NCKAP5: variants seen among roughly 807,000 people sequenced by gnomAD.
The protein encoded by NCKAP5 is nck-associated protein 5.
Under a neutral mutation model 167.0 loss-of-function variants are expected in NCKAP5, and 92 were observed. That is an observed-to-expected ratio of 0.55 (90% CI 0.47 to 0.66). The LOEUF (loss-of-function observed/expected upper bound fraction) is 0.66, where lower values mean the gene tolerates loss of function less well. Ranked by LOEUF, NCKAP5 falls within the 30% of genes least tolerant of loss-of-function variation. The pLI is 0.00. For synonymous variants in NCKAP5, 891 were observed against 877.4 expected (o/e 1.02, Z -0.27); for missense variants, 2,378 against 2,315.0 (o/e 1.03, Z -0.56).
chr2:133,406,426 G>A (rs73957086), intron 3 of NCKAP5, among the ~76,000 whole-genome samples: 13 of 152,178 alleles, frequency 8.5e-5, no homozygotes, highest in African/African-American at 2.4e-4. Flanking sequence ...GAGAAGAGAC[G>A]TGAAATATAA....
chr2:133,635,000 G>C, the NCKAP5 span, among the ~76,000 whole-genome samples: 2 of 151,790 alleles, frequency 1.3e-5, no homozygotes, highest in East Asian at 3.9e-4. Context: ...CTCCCAAGTA[G>C]CTGGGACTAC....
At chr2:133,008,218 A>T (rs966171876) in intron 6 of NCKAP5, among the ~76,000 whole-genome samples, 1 of 152,040 alleles carries the variant, frequency 6.6e-6, no homozygotes, top group Non-Finnish European at 1.5e-5. Flanking sequence ...CTGAGCTGTC[A>T]CTATTGAGGC....
At chr2:133,567,990 C>G (rs546910435) in intron 1 of NCKAP5, among the ~76,000 whole-genome samples, 1 of 152,208 alleles carries the variant, frequency 6.6e-6, no homozygotes, top group South Asian at 2.1e-4. Flanking sequence ...ATCTCCTTAT[C>G]ATCTGCATCC....
At chr2:133,236,611 A>C (rs981701049) in intron 4 of NCKAP5, among the ~76,000 whole-genome samples, 3 of 152,222 alleles carry the variant, frequency 2.0e-5, no homozygotes, top group Non-Finnish European at 4.4e-5. Flanking sequence ...TGTATCACTT[A>C]AGTCAATACA....
chr2:133,578,467 C>T, the NCKAP5 span, among the ~76,000 whole-genome samples: 46 of 152,320 alleles, frequency 3.0e-4, no homozygotes, highest in South Asian at 6.0e-3. Flanking sequence ...CCTCCAGCTG[C>T]CAGCTCCCTC....
intron 1 of NCKAP5, among the ~76,000 whole-genome samples, chr2:133,567,685 G>A (rs1688657523): frequency 6.6e-6 from 1 of 151,644 alleles, no homozygotes; most frequent in Admixed American, 6.6e-5. Context: ...GTGTGTGTGT[G>A]TGTGTGTGTG....
At chr2:132,885,523 C>T (rs891236288) in intron 8 of NCKAP5, among the ~76,000 whole-genome samples, 2 of 152,182 alleles carry the variant, frequency 1.3e-5, no homozygotes, top group Non-Finnish European at 2.9e-5. Flanking sequence ...AGCGTGGTTT[C>T]CCCATGGCTC....
chr2:133,206,553 A>C (rs1461404790), intron 5 of NCKAP5, among the ~76,000 whole-genome samples: 1 of 152,208 alleles, frequency 6.6e-6, no homozygotes, highest in Non-Finnish European at 1.5e-5. Context: ...TCACCTCAGG[A>C]CCACTATTGT....
At chr2:132,674,450 T>C (rs1243680484) in intron 19 of NCKAP5, among the ~76,000 whole-genome samples, 1 of 152,198 alleles carries the variant, frequency 6.6e-6, no homozygotes. Context: ...CATTAAACCA[T>C]GTTCTTAGGT....
At chr2:133,378,390 A>T (rs1035695758) in intron 3 of NCKAP5, among the ~76,000 whole-genome samples, 1 of 152,228 alleles carries the variant, frequency 6.6e-6, no homozygotes, top group African/African-American at 2.4e-5. Context: ...GATAAATTAC[A>T]GACACTAAAC....
chr2:133,500,593 A>G (rs1001828854), intron 3 of NCKAP5, among the ~76,000 whole-genome samples: 7 of 152,230 alleles, frequency 4.6e-5, no homozygotes, highest in African/African-American at 1.4e-4. Flanking sequence ...AATTGATTGT[A>G]AAGTTAACAG....
Position 133,348,490 on chromosome 2 carries a change from A to AAAG in NCKAP5, c.70-45381_70-45380insCTT, listed in dbSNP as rs567003149. On this transcript the variant is annotated intron_variant, in intron 3 of 19. Coordinates refer to ENST00000409261, the MANE Select transcript of NCKAP5 (RefSeq NM_207363.3). Reference sequence around the variant, plus strand: ...GGGGTGGGAGTAGTTTTTGGAAACTATGAAGAATAAAGTTACAGCCCTACT... The same window carrying AAAG: ...GGGGTGGGAGTAGTTTTTGGAAACTAAAGTGAAGAATAAAGTTACAGCCCTACT... Among the ~76,000 whole-genome samples the AAAG allele has an allele frequency of 7.1e-3, 1,079 of 152,194 alleles. 12 individuals are homozygous for AAAG. Among genetic ancestry groups the AAAG allele is most frequent in the African/African-American group, 0.023 (946 of 41,516 alleles).
Position 132,704,192 on chromosome 2 carries a change from G to T in NCKAP5, c.5713+21435C>A, listed in dbSNP as rs551760632. Among the ~76,000 whole-genome samples the T allele has an allele frequency of 5.9e-5, 9 of 152,214 alleles. No homozygotes were observed. The South Asian group carries it at 1.9e-3, about 32-fold the overall frequency. On this transcript the variant is annotated intron_variant, in intron 19 of 19. Coordinates refer to ENST00000409261, the MANE Select transcript of NCKAP5 (RefSeq NM_207363.3). ...GGCTTTCTTTGGAACCCTTTCAAGT[G>T]GTGGCTTTTTTCTTTTCTATACTTT...
rs77157499 is a variant in NCKAP5 at position 133,528,378 on chromosome 2, C to T, written c.-61-10791G>A. ...TCTTTTTATTCAGGCTTTGAAGGCT[C>T]AGGAATAAAAGGAGTTCTATGGATA... On this transcript the variant is annotated intron_variant, in intron 2 of 19. Transcript: ENST00000409261. Among the ~76,000 whole-genome samples the T allele has an allele frequency of 9.2e-5, 14 of 151,358 alleles. No individual in the cohort carries two copies. The East Asian group carries it at 2.6e-3, about 28-fold the overall frequency.
chr2:133,626,550 ATTC>A, the NCKAP5 span, among the ~76,000 whole-genome samples: 2 of 152,146 alleles, frequency 1.3e-5, no homozygotes, highest in African/African-American at 2.4e-5. Flanking sequence ...ACTTATTTGA[ATTC>A]TCATTCAAAG....
the NCKAP5 span, among the ~76,000 whole-genome samples, chr2:133,654,149 C>T: frequency 2.6e-5 from 4 of 151,812 alleles, no homozygotes; most frequent in East Asian, 1.9e-4. Flanking sequence ...TTTGGGAGGC[C>T]GAGGCAGGTG....
Position 133,080,565 on chromosome 2 carries a change from G to A in NCKAP5, c.341+49413C>T, listed in dbSNP as rs147928094. Among the ~76,000 whole-genome samples the A allele has an allele frequency of 6.8e-3, 1,033 of 152,234 alleles. 30 individuals are homozygous for A. Among genetic ancestry groups the A allele is most frequent in the Admixed American group, 0.06 (918 of 15,286 alleles). ...GAGGTGAATAGTTGCAACAGAGACC[G>A]TCTGGCTGACAAAGCCTAAAATACT... On this transcript the variant is annotated intron_variant, in intron 6 of 19. Transcript: ENST00000409261.
intron 4 of NCKAP5, among the ~76,000 whole-genome samples, chr2:133,263,725 G>C (rs543246666): frequency 1.8e-4 from 27 of 152,082 alleles, no homozygotes; most frequent in Non-Finnish European, 3.5e-4. Flanking sequence ...TTTTAAAAAA[G>C]AGAAACTGCC....
rs1019930330 is a variant in NCKAP5, at chr2:132,784,019, G to A, written c.2792C>T (p.Pro931Leu). The stretch of plus-strand genomic sequence containing the variant: ...CAGGGAGACGGACCTGCCTGGAGGG[G>A]GCGGAGGGGAAGGGGATTTCACCCC... ...EAGVKSPSPPPPPGRSVSLLA... is the reference protein window; with the variant it reads ...EAGVKSPSPPLPPGRSVSLLA... Residue 931 changes from proline (P) to leucine (L), a missense_variant, in exon 14 of 20, where the codon CCC (proline) becomes CTC (leucine). This residue lies in a region of NCKAP5 where 1,325 missense variants were observed against 1,274.5 expected (regional missense o/e 1.04). Coordinates refer to ENST00000409261, the MANE Select transcript of NCKAP5 (RefSeq NM_207363.3). The A allele has an allele frequency of 6.4e-7, 1 of 1,567,990 alleles. No individual in the cohort carries two copies. The highest frequency in any genetic ancestry group is 8.6e-7 in the Non-Finnish European group (1 of 1,160,382).
Sources: gnomAD v4.1 joint callset for allele counts (sites outside exome capture counted in the v4.1 genomes callset) on GRCh38, gnomAD v4.1.1 for gene constraint, gnomAD v4.1.1 regional missense constraint, MANE v1.5 for transcripts, NCBI Gene and HGNC (gene_info 2026-07-23, HGNC 2026-07-21) for gene names.